SKIC8: variants seen among roughly 807,000 people sequenced by gnomAD.
The protein encoded by SKIC8 is superkiller complex protein 8.
the SKIC8 span, chr15:78,292,647 G>T: frequency 6.2e-7 from 1 of 1,614,174 alleles, no homozygotes; most frequent in Non-Finnish European, 8.5e-7. Context: ...TTATCTGTTT[G>T]CCATTTTCCA....
At chr15:78,285,317 CTT>C in the SKIC8 span, 1 of 1,614,230 alleles carries the variant, frequency 6.2e-7, no homozygotes, top group Non-Finnish European at 8.5e-7. Flanking sequence ...ACATCCCAAA[CTT>C]TTACACTTTT....
the SKIC8 span, chr15:78,284,521 C>T: frequency 6.6e-6 from 1 of 152,274 alleles, no homozygotes; most frequent in East Asian, 1.9e-4. Flanking sequence ...TTCCCCAAGA[C>T]CTTACAGTGT....
At chr15:78,285,275 C>T in the SKIC8 span, 9 of 1,614,016 alleles carry the variant, frequency 5.6e-6, no homozygotes, top group East Asian at 2.2e-5. Context: ...TCCTGGTGAT[C>T]AAAGAAGGTG....
the SKIC8 span, among the ~76,000 whole-genome samples, chr15:78,287,331 T>TCC: frequency 0.69 from 104,163 of 151,450 alleles, 35,980 homozygotes; most frequent in Admixed American, 0.74. Flanking sequence ...CAGTTACAGT[T>TCC]AAAAACTGCA....
chr15:78,289,922 AAGG>A, the SKIC8 span: 296 of 1,607,308 alleles, frequency 1.8e-4, 1 homozygote, highest in East Asian at 6.5e-3. Flanking sequence ...AAAGAATCAG[AAGG>A]AGAACAGAGA....
chr15:78,292,736 C>G, the SKIC8 span: 1 of 1,614,174 alleles, frequency 6.2e-7, no homozygotes, highest in South Asian at 1.1e-5. Context: ...ACAGACACCA[C>G]TCCCAGCTGA....
At chr15:78,295,427 T>C in the SKIC8 span, 2 of 471,994 alleles carry the variant, frequency 4.2e-6, no homozygotes, top group South Asian at 2.3e-5. Context: ...TTGTACAACA[T>C]CTTTTAAGCT....
chr15:78,289,739 A>G, the SKIC8 span: 1 of 1,599,988 alleles, frequency 6.3e-7, no homozygotes, highest in East Asian at 2.2e-5. Flanking sequence ...TGGAGAAATT[A>G]GCACTTTCAG....
chr15:78,291,601 A>G, the SKIC8 span, among the ~76,000 whole-genome samples: 428 of 152,316 alleles, frequency 2.8e-3, 1 homozygote, highest in African/African-American at 9.8e-3. Flanking sequence ...AGAATTACAG[A>G]CAAGAAATAT....
the SKIC8 span, among the ~76,000 whole-genome samples, chr15:78,297,430 C>A: frequency 6.6e-6 from 1 of 152,066 alleles, no homozygotes; most frequent in Non-Finnish European, 1.5e-5. Flanking sequence ...TTCATAAATA[C>A]AGAATCCACA....
chr15:78,284,624 T>G, the SKIC8 span: 1 of 152,162 alleles, frequency 6.6e-6, no homozygotes, highest in Non-Finnish European at 1.5e-5. Flanking sequence ...AGCATCTGCA[T>G]TTTCACCAGG....
At chr15:78,292,978 T>TA in the SKIC8 span, 1 of 878,632 alleles carries the variant, frequency 1.1e-6, no homozygotes, top group Non-Finnish European at 1.7e-6. Flanking sequence ...TTTTTTTTTT[T>TA]AACTTTAGGG....
the SKIC8 span, chr15:78,294,897 A>C: frequency 4.3e-6 from 7 of 1,613,168 alleles, no homozygotes; most frequent in African/African-American, 6.7e-5. Flanking sequence ...AACCAGGGAC[A>C]ACACAGTTTT....
the SKIC8 span, among the ~76,000 whole-genome samples, chr15:78,287,107 TCAAC>T: frequency 6.6e-6 from 1 of 152,114 alleles, no homozygotes; most frequent in African/African-American, 2.4e-5. Context: ...CTTGGGCAAA[TCAAC>T]CACCTCAGCT....
chr15:78,294,709 C>CCTA, the SKIC8 span: 1 of 480,078 alleles, frequency 2.1e-6, no homozygotes, highest in South Asian at 3.1e-5. Context: ...TTTTCCTCAG[C>CCTA]CTAGAATTCC....
chr15:78,298,808 C>T, the SKIC8 span, among the ~76,000 whole-genome samples: 1 of 152,096 alleles, frequency 6.6e-6, no homozygotes, highest in Non-Finnish European at 1.5e-5. Context: ...GGGGGAACTA[C>T]TATTTTTTTA....
the SKIC8 span, among the ~76,000 whole-genome samples, chr15:78,298,016 G>C: frequency 6.6e-6 from 1 of 152,208 alleles, no homozygotes; most frequent in African/African-American, 2.4e-5. Context: ...GCCTTCCAAA[G>C]TGCTGGGATT....
the SKIC8 span, chr15:78,294,769 T>TTTG: frequency 5.3e-5 from 27 of 506,182 alleles, no homozygotes; most frequent in Middle Eastern, 1.5e-3. Flanking sequence ...TGTTCAGGTT[T>TTTG]TTGTTGTTGT....
chr15:78,292,881 A>C, the SKIC8 span: 20 of 1,363,250 alleles, frequency 1.5e-5, no homozygotes, highest in South Asian at 2.6e-5. Flanking sequence ...TGCAATACCA[A>C]TGGTCTATGA....
Sources: allele counts gnomAD v4.1 joint callset (sites outside exome capture counted in the v4.1 genomes callset), GRCh38; gene constraint gnomAD v4.1.1; transcripts MANE v1.5; gene names NCBI Gene and HGNC (gene_info 2026-07-23, HGNC 2026-07-21).